Variants in HMCN1 observed in about 807,000 individuals in gnomAD.
HMCN1 encodes hemicentin-1.
Under a neutral mutation model 625.9 loss-of-function variants are expected in HMCN1, and 321 were observed. The ratio of observed to expected loss-of-function variants is 0.51; its 90% confidence interval spans 0.47 to 0.56. HMCN1 has a LOEUF of 0.56. HMCN1 is among the 20% of genes least tolerant of loss of function. HMCN1 has a pLI of 0.00. For synonymous variants in HMCN1, 2,425 were observed against 2,417.6 expected (o/e 1.00, Z -0.09); for missense variants, 6,588 against 6,887.3 (o/e 0.96, Z 1.54).
At chr1:186,151,478 G>A in intron 94 of HMCN1, 128 bp from the exon 95 acceptor site, 1 of 1,251,508 alleles carries the variant, frequency 8.0e-7, no homozygotes, top group Non-Finnish European at 1.2e-6. Context: ...AAACATACAT[G>A]AGGTACTGGT....
At chr1:186,022,684 A>G (rs1054768897) in intron 35 of HMCN1, among the ~76,000 whole-genome samples, 1 of 152,154 alleles carries the variant, frequency 6.6e-6, no homozygotes, top group Non-Finnish European at 1.5e-5. Context: ...ATGAATTTTT[A>G]TATAAATGTG....
intron 36 of HMCN1, among the ~76,000 whole-genome samples, chr1:186,023,945 G>A (rs1654890074): frequency 1.3e-5 from 2 of 152,146 alleles, no homozygotes; most frequent in Non-Finnish European, 2.9e-5. Context: ...AGAGTAAATA[G>A]TAGGTGAATG....
rs1323544661 is a variant in HMCN1, at chr1:185,888,677, T to C, written c.622-20660T>C. ...TGTTCCATTGATCTATCTCTCTGTT[T>C]TGGTACCAGTACCATGCTGTTTTGG... On this transcript the variant is annotated intron_variant, in intron 4 of 106. Coordinates refer to ENST00000271588, the MANE Select transcript of HMCN1 (RefSeq NM_031935.3). Among the ~76,000 whole-genome samples, 10 of 147,546 alleles carry C rather than the reference T, an allele frequency of 6.8e-5. 3 individuals are homozygous for C. The highest frequency in any genetic ancestry group is 2.4e-4 in the African/African-American group (9 of 36,904).
At position 185,807,581 on chromosome 1, in the gene HMCN1, A is replaced by G. The variant is rs74135349; in HGVS notation, c.269-38445A>G. On this transcript the variant is annotated intron_variant, in intron 1 of 106. Coordinates refer to ENST00000271588, the MANE Select transcript of HMCN1 (RefSeq NM_031935.3). ...TGCATACATATTTGAAAGTAAGGCT[A>G]GTTCTGGCCAAAAGGTTTCTTCTGT... Among the ~76,000 whole-genome samples, 1,407 of 152,308 alleles carry G rather than the reference A, an allele frequency of 9.2e-3. 21 individuals are homozygous for G. The highest frequency in any genetic ancestry group is 0.031 in the African/African-American group (1,272 of 41,582).
At chr1:185,843,705 G>A (rs984993361) in intron 1 of HMCN1, among the ~76,000 whole-genome samples, 1 of 152,124 alleles carries the variant, frequency 6.6e-6, no homozygotes, top group African/African-American at 2.4e-5. Flanking sequence ...TGGAGGGATA[G>A]GGCAGCTGGG....
Position 186,065,371 on chromosome 1 carries a change from A to G in HMCN1, c.7647A>G (p.Thr2549=), listed in dbSNP as rs368837087. 31 of 1,611,614 alleles carry G rather than the reference A, an allele frequency of 1.9e-5. No individual in the cohort carries two copies. Among genetic ancestry groups the G allele is most frequent in the Non-Finnish European group, 2.5e-5 (30 of 1,179,636 alleles). Residue 2549 remains threonine, a synonymous_variant, in exon 49 of 107, where the codon ACA becomes ACG. Transcript: ENST00000271588. The part of the protein sequence containing the change: ...NVQVPHTGRY[T]CLASSPAGHK... ...AGGTGCCACACACTGGAAGATATAC[A>G]TGTTTGGCTTCCAGTCCAGCTGGCC... is the stretch of plus-strand genomic sequence containing the variant.
At chr1:186,109,399 C>T (rs1365288739) in intron 71 of HMCN1, among the ~76,000 whole-genome samples, 7 of 152,162 alleles carry the variant, frequency 4.6e-5, no homozygotes, top group Non-Finnish European at 8.8e-5. Flanking sequence ...ATCACTTAAC[C>T]CTCCAGTACT....
chr1:185,906,486 T>C (rs910453130), intron 4 of HMCN1, among the ~76,000 whole-genome samples: 1 of 151,886 alleles, frequency 6.6e-6, no homozygotes, highest in Admixed American at 6.6e-5. Flanking sequence ...GCAACCAAAT[T>C]AGGAAGACTT....
rs866727878 is a variant in HMCN1, at chr1:186,041,132, A to G, written c.6300A>G (p.Val2100=). ...AGCAAAGGGACATTGACCTCCGAGT[A>G]TATGGTGAGACATTTTAGTAATTAA... The part of the protein sequence containing the change: ...GEKQRDIDLR[V]YVPPNIMGEE... The change falls in exon 40 of 107, where the codon GTA becomes GTG. Residue 2100 remains valine, a synonymous_variant. Coordinates refer to ENST00000271588, the MANE Select transcript of HMCN1 (RefSeq NM_031935.3). 4.3e-6 allele frequency: 7 copies of G among 1,612,156 alleles called. No individual in the cohort carries two copies. Among genetic ancestry groups the G allele is most frequent in the African/African-American group, 2.7e-5 (2 of 74,852 alleles).
At chr1:185,802,224 G>A (rs1658846159) in intron 1 of HMCN1, among the ~76,000 whole-genome samples, 1 of 152,112 alleles carries the variant, frequency 6.6e-6, no homozygotes, top group Non-Finnish European at 1.5e-5. Context: ...GATGAACATA[G>A]GTACTTTTCA....
At chr1:186,117,239 C>T (rs2102480573) in intron 76 of HMCN1, 124 bp downstream of exon 76, 2 of 1,338,100 alleles carry the variant, frequency 1.5e-6, no homozygotes, top group Non-Finnish European at 1.0e-6. Flanking sequence ...CAGGGGTACA[C>T]ATGCAGGTTC....
At chr1:185,753,372 T>C (rs539039972) in intron 1 of HMCN1, among the ~76,000 whole-genome samples, 34 of 152,118 alleles carry the variant, frequency 2.2e-4, no homozygotes, top group Non-Finnish European at 5.0e-4. Flanking sequence ...TTATGATTAG[T>C]CTAGATCAGT....
intron 20 of HMCN1, among the ~76,000 whole-genome samples, chr1:185,988,587 A>G (rs910344296): frequency 9.2e-5 from 14 of 152,262 alleles, no homozygotes; most frequent in Non-Finnish European, 2.1e-4. Flanking sequence ...CTGCGCAGTA[A>G]CTAGCACTGA....
intron 104 of HMCN1, among the ~76,000 whole-genome samples, chr1:186,180,635 C>T (rs761479611): frequency 2.6e-5 from 4 of 152,010 alleles, no homozygotes; most frequent in Admixed American, 6.6e-5. Context: ...TATGTTAAAC[C>T]AATGTTATGT....
Position 185,734,491 on chromosome 1 carries a change from G to A in HMCN1, c.-289G>A, listed in dbSNP as rs917118834. On this transcript the variant is annotated 5_prime_UTR_variant, in exon 1 of 107. Coordinates refer to ENST00000271588, the MANE Select transcript of HMCN1 (RefSeq NM_031935.3). Reference sequence around the variant, plus strand: ...GCTGCCCCCGGGGCATGGACCCGACGCGCCGCCCGCACTCCGCCACAGGCT... The same window carrying A: ...GCTGCCCCCGGGGCATGGACCCGACACGCCGCCCGCACTCCGCCACAGGCT... 2 of 381,276 alleles carry A rather than the reference G, an allele frequency of 5.2e-6. No individual in the cohort carries two copies. The highest frequency in any genetic ancestry group is 4.2e-5 in the Admixed American group (1 of 23,820). 23.6% of individuals were successfully genotyped at this position (381,276 alleles called of 1,614,324 possible). A position where few individuals can be genotyped will look rare whatever the true frequency, so the allele number is the denominator to read the frequency against.
At chr1:186,102,574 AAACT>A (rs759175284) in intron 68 of HMCN1, among the ~76,000 whole-genome samples, 53 of 152,288 alleles carry the variant, frequency 3.5e-4, no homozygotes, top group Non-Finnish European at 5.9e-4. Flanking sequence ...CAAATCCATG[AAACT>A]AATAATTGTT....
rs1472756350 is a variant in HMCN1 at position 186,160,022 on chromosome 1, TA to T, written c.15257-5088del. Among the ~76,000 whole-genome samples, 16 of 151,234 alleles carry T rather than the reference TA, an allele frequency of 1.1e-4. No homozygotes were observed. In the East Asian group the frequency reaches 2.1e-3, roughly 20 times the overall value. ...TACCAGTTCCTCCTTGTACCTCTGG[TA>T]GAATTCGGCTGTGAATCCATCTGGT... On this transcript the variant is annotated intron_variant, in intron 97 of 106. Coordinates refer to ENST00000271588, the MANE Select transcript of HMCN1 (RefSeq NM_031935.3).
At chr1:185,908,972 AG>A (rs1666256113) in intron 4 of HMCN1, among the ~76,000 whole-genome samples, 1 of 151,974 alleles carries the variant, frequency 6.6e-6, no homozygotes, top group Non-Finnish European at 1.5e-5. Flanking sequence ...GAATGGAAGA[AG>A]AAGGGATTGC....
intron 16 of HMCN1, 81 bp from the exon 17 acceptor site, chr1:185,980,897 C>T: frequency 4.5e-6 from 4 of 882,472 alleles, no homozygotes; most frequent in Non-Finnish European, 7.8e-6. Context: ...ACTTTCCATG[C>T]ACAGATCTCA....
Sources: allele counts gnomAD v4.1 joint callset (sites outside exome capture counted in the v4.1 genomes callset), GRCh38; gene constraint gnomAD v4.1.1; transcripts MANE v1.5; gene names NCBI Gene and HGNC (gene_info 2026-07-23, HGNC 2026-07-21).